Variants in PAK1IP1 observed in about 807,000 individuals in gnomAD.
The protein encoded by PAK1IP1 is PAK1 interacting protein 1, also known as p21-activated protein kinase-interacting protein 1.
In PAK1IP1, 24 loss-of-function variants were observed where a neutral mutation model predicts 42.0. That is an observed-to-expected ratio of 0.57 (90% CI 0.41 to 0.80). The LOEUF is 0.80. Ranked by LOEUF, PAK1IP1 falls within the 30% of genes least tolerant of loss-of-function variation. PAK1IP1 has a pLI of 0.00. For synonymous variants in PAK1IP1, 154 were observed against 156.7 expected (o/e 0.98, Z 0.13); for missense variants, 411 against 467.9 (o/e 0.88, Z 1.12).
intron 4 of PAK1IP1, 135 bp from the exon 5 acceptor site, chr6:10,703,270 T>C (rs562589423): frequency 7.0e-5 from 44 of 628,222 alleles, no homozygotes; most frequent in Admixed American, 3.0e-4. Context: ...AAAATATTGC[T>C]GTAAGGAAGA....
At chr6:10,696,908 T>C (rs1769879073) in intron 1 of PAK1IP1, among the ~76,000 whole-genome samples, 1 of 152,234 alleles carries the variant, frequency 6.6e-6, no homozygotes, top group Admixed American at 6.5e-5. Flanking sequence ...TAGGCACTCA[T>C]TATTTGAAAG....
chr6:10,707,247 C>G (rs1770231835), intron 7 of PAK1IP1, among the ~76,000 whole-genome samples, 168 bp from the exon 8 acceptor site: 1 of 152,192 alleles, frequency 6.6e-6, no homozygotes, highest in African/African-American at 2.4e-5. Flanking sequence ...CTGGATATAT[C>G]TCATTAATGG....
intron 2 of PAK1IP1, among the ~76,000 whole-genome samples, chr6:10,698,506 T>A (rs1769927632): frequency 6.6e-6 from 1 of 152,106 alleles, no homozygotes; most frequent in Admixed American, 6.5e-5. Context: ...AGTTCCGGAT[T>A]ATGAGAAGGT....
At position 10,702,536 on chromosome 6, in the gene PAK1IP1, T is replaced by A. The variant is rs201116965; in HGVS notation, c.369-29T>A. On this transcript the variant is annotated intron_variant, in intron 3 of 9. Transcript: ENST00000379568. ...TGGCATTCTCGATGTGCCAGTCAAG[T>A]TGGGGACTAACTTTTGGTTTCATTA... 27 of 1,614,126 alleles carry A rather than the reference T, an allele frequency of 1.7e-5. No individual in the cohort carries two copies. The Admixed American group carries it at 1.8e-4, about 11-fold the overall frequency.
intron 2 of PAK1IP1, among the ~76,000 whole-genome samples, chr6:10,698,903 A>G (rs1350500107): frequency 6.6e-6 from 1 of 152,160 alleles, no homozygotes; most frequent in Non-Finnish European, 1.5e-5. Flanking sequence ...CAACATAGAG[A>G]AAATGTGTTG....
rs374120259 is a variant in PAK1IP1, at chr6:10,704,858, T to C, written c.740+14T>C. 91 of 1,490,660 alleles carry C rather than the reference T, an allele frequency of 6.1e-5. No individual in the cohort carries two copies. Among genetic ancestry groups the C allele is most frequent in the Non-Finnish European group, 8.2e-5 (88 of 1,067,416 alleles). 92.3% of individuals were successfully genotyped at this position (1,490,660 alleles called of 1,614,324 possible). On this transcript the variant is annotated intron_variant, in intron 7 of 9. Coordinates refer to ENST00000379568, the MANE Select transcript of PAK1IP1 (RefSeq NM_017906.3). ...TCATGAAAACAGGTATTTTTACCAA[T>C]CTTTGGTGTATATGTCTAGTCTTAA...
chr6:10,695,096 T>G, intron 1 of PAK1IP1, 27 bp downstream of exon 1: 1 of 1,502,328 alleles, frequency 6.7e-7, no homozygotes, highest in Non-Finnish European at 9.2e-7. Context: ...TTAGAGACAG[T>G]CGGAGGCGGG....
chr6:10,704,980 T>C, intron 7 of PAK1IP1, 136 bp downstream of exon 7: 1 of 653,870 alleles, frequency 1.5e-6, no homozygotes, highest in East Asian at 2.7e-5. Context: ...CAGTATATGG[T>C]ATCTGTAGTC....
chr6:10,692,583 G>A (rs543875912), upstream of PAK1IP1, among the ~76,000 whole-genome samples: 4 of 152,196 alleles, frequency 2.6e-5, no homozygotes, highest in South Asian at 8.3e-4. Context: ...TGGGACTATA[G>A]GCGCCCACCA....
At chr6:10,706,815 G>A (rs190113280) in intron 7 of PAK1IP1, among the ~76,000 whole-genome samples, 4 of 151,928 alleles carry the variant, frequency 2.6e-5, no homozygotes, top group East Asian at 1.9e-4. Flanking sequence ...CCCAGGAGGC[G>A]GAGGTTGTGG....
intron 8 of PAK1IP1, 80 bp from the exon 9 acceptor site, chr6:10,708,873 G>T: frequency 8.5e-7 from 1 of 1,178,304 alleles, no homozygotes; most frequent in Non-Finnish European, 1.2e-6. Context: ...AATACAGGAA[G>T]TTTTAAATTA....
chr6:10,691,234 C>T (rs754281189), upstream of PAK1IP1, among the ~76,000 whole-genome samples: 75 of 152,288 alleles, frequency 4.9e-4, 1 homozygote, highest in Non-Finnish European at 6.0e-4. Context: ...AGACAAAACC[C>T]CTCAGCCAGC....
chr6:10,700,891 G>T (rs111815331), intron 2 of PAK1IP1, among the ~76,000 whole-genome samples: 8 of 151,756 alleles, frequency 5.3e-5, no homozygotes, highest in Admixed American at 5.3e-4. Flanking sequence ...GTAGGTAAAC[G>T]TCCCATGGTG....
chr6:10,691,363 G>A (rs1233166711), upstream of PAK1IP1, among the ~76,000 whole-genome samples: 1 of 152,090 alleles, frequency 6.6e-6, no homozygotes, highest in Non-Finnish European at 1.5e-5. Flanking sequence ...ACTCTAAGGA[G>A]GTCCGTGTGA....
intron 5 of PAK1IP1, 37 bp downstream of exon 5, chr6:10,703,494 C>A: frequency 2.1e-6 from 3 of 1,459,160 alleles, no homozygotes; most frequent in Non-Finnish European, 1.9e-6. Flanking sequence ...TTGAGCATTC[C>A]TAATCTGGAA....
At chr6:10,699,072 T>C (rs113492532) in intron 2 of PAK1IP1, among the ~76,000 whole-genome samples, 14,832 of 151,862 alleles carry the variant, frequency 0.098, 2,200 homozygotes, top group African/African-American at 0.32. Context: ...TGGTGGCACG[T>C]ACCTGTAGTC....
At chr6:10,702,667 A>T in intron 4 of PAK1IP1, 28 bp downstream of exon 4, 1 of 1,493,654 alleles carries the variant, frequency 6.7e-7, no homozygotes, top group Non-Finnish European at 9.3e-7. Flanking sequence ...AAGAGCATTT[A>T]TCTAAGGTGT....
chr6:10,694,803 GA>G, upstream of PAK1IP1: 1 of 554,348 alleles, frequency 1.8e-6, no homozygotes, highest in East Asian at 3.0e-5. Flanking sequence ...AAATCCATGT[GA>G]CCTCCCCGCG....
rs1041702774 is a variant in PAK1IP1 at position 10,697,397 on chromosome 6, G to C, written c.158G>C (p.Arg53Pro). The C allele has an allele frequency of 2.6e-5, 42 of 1,613,794 alleles. No homozygotes were observed. Among genetic ancestry groups the C allele is most frequent in the Non-Finnish European group, 3.6e-5 (42 of 1,179,864 alleles). ...TTGTCAGCAGTAGCTGTAAATAGTC[G>C]TTTTGTGGTCACTGGGAGCAAAGAT... is the stretch of plus-strand genomic sequence containing the variant. ...ASLSAVAVNS[R>P]FVVTGSKDET... is the part of the protein sequence containing the mutation. The change falls in exon 2 of 10, where the codon CGT becomes CCT. Residue 53 changes from arginine (R) to proline (P), a missense_variant. Arg to Pro is a moderately radical substitution (Grantham distance 103). Coordinates refer to ENST00000379568, the MANE Select transcript of PAK1IP1 (RefSeq NM_017906.3).
Sources: allele counts gnomAD v4.1 joint callset (sites outside exome capture counted in the v4.1 genomes callset), GRCh38; gene constraint gnomAD v4.1.1; transcripts MANE v1.5; gene names NCBI Gene and HGNC (gene_info 2026-07-23, HGNC 2026-07-21).